Variants in FSTL4 observed in about 807,000 individuals in gnomAD.
FSTL4 encodes follistatin-related protein 4.
Under a neutral mutation model 78.2 loss-of-function variants are expected in FSTL4, and 28 were observed. That is an observed-to-expected ratio of 0.36 (90% CI 0.27 to 0.49). The LOEUF (loss-of-function observed/expected upper bound fraction) is 0.49, where lower values mean the gene tolerates loss of function less well. Among genes scored for constraint, FSTL4 ranks in the 20% least tolerant of loss-of-function variants. FSTL4 has a pLI of 0.98. For synonymous variants in FSTL4, 422 were observed against 440.5 expected (o/e 0.96, Z 0.53); for missense variants, 922 against 1,084.9 (o/e 0.85, Z 2.11).
the FSTL4 span, among the ~76,000 whole-genome samples, chr5:133,619,710 A>G: frequency 6.6e-6 from 1 of 152,236 alleles, no homozygotes; most frequent in Non-Finnish European, 1.5e-5. Flanking sequence ...CAGTGGGCAT[A>G]TAACAACTGA....
chr5:133,638,273 C>A, the FSTL4 span, among the ~76,000 whole-genome samples: 3 of 152,148 alleles, frequency 2.0e-5, no homozygotes, highest in Non-Finnish European at 2.9e-5. Context: ...TCCCTTCTTC[C>A]CCTCCTCACT....
the FSTL4 span, among the ~76,000 whole-genome samples, chr5:133,692,445 A>G: frequency 6.6e-6 from 1 of 152,310 alleles, no homozygotes; most frequent in East Asian, 1.9e-4. Flanking sequence ...AGCATGGCAT[A>G]GTGGCTGTTG....
chr5:133,750,027 T>C, the FSTL4 span, among the ~76,000 whole-genome samples: 1 of 152,266 alleles, frequency 6.6e-6, no homozygotes, highest in South Asian at 2.1e-4. Context: ...AATCCAGATC[T>C]GTAGGAATTC....
chr5:133,526,511 C>T (rs531443212), intron 3 of FSTL4, among the ~76,000 whole-genome samples: 39 of 152,198 alleles, frequency 2.6e-4, no homozygotes, highest in South Asian at 1.5e-3. Context: ...GGATCCCCCA[C>T]GGATGGTCTT....
chr5:133,535,402 C>T lies in FSTL4; in HGVS notation c.160+31784G>A, dbSNP rs543802606. On this transcript the variant is annotated intron_variant, in intron 3 of 15. Coordinates refer to ENST00000265342, the MANE Select transcript of FSTL4 (RefSeq NM_015082.2). ...CAAGGAACACCTGGCCCGCCCAGGG[C>T]GGAAAACCGCTTAAAGGCATTCTTA... 3.9e-5 allele frequency among the ~76,000 whole-genome samples: 6 copies of T among 152,334 alleles called. No homozygotes were observed. In the East Asian group the frequency reaches 5.8e-4, roughly 15 times the overall value.
chr5:133,562,658 C>T (rs923714198), intron 3 of FSTL4, among the ~76,000 whole-genome samples: 1 of 152,158 alleles, frequency 6.6e-6, no homozygotes, highest in South Asian at 2.1e-4. Flanking sequence ...TGTGCGGGAG[C>T]CAGCGCTGGG....
rs974079114 is a variant in FSTL4, at chr5:133,338,975, C to G, written c.410-22323G>C. 1.3e-5 allele frequency among the ~76,000 whole-genome samples: 2 copies of G among 152,178 alleles called. No homozygotes were observed. Among genetic ancestry groups the G allele is most frequent in the East Asian group, 3.9e-4 (2 of 5,184 alleles). On this transcript the variant is annotated intron_variant, in intron 4 of 15. Transcript: ENST00000265342. The surrounding 1 kb of genome is among the most constrained non-coding windows in gnomAD (Gnocchi z 4.0). ...GATCATGTCCCCACCAATCCTCCCC[C>G]ACTCAGTAGCTGGAGGAATCTTATG...
chr5:133,794,188 G>A, the FSTL4 span, among the ~76,000 whole-genome samples: 825 of 152,334 alleles, frequency 5.4e-3, 27 homozygotes, highest in Admixed American at 0.045. Context: ...AGAGGCCAAG[G>A]CAGTGACAAG....
the FSTL4 span, among the ~76,000 whole-genome samples, chr5:133,747,437 C>T: frequency 6.6e-6 from 1 of 152,170 alleles, no homozygotes; most frequent in South Asian, 2.1e-4. Context: ...GATGGCAAAT[C>T]CCATAACCCA....
chr5:133,608,254 T>C (rs780679572), intron 1 of FSTL4, among the ~76,000 whole-genome samples: 1 of 152,218 alleles, frequency 6.6e-6, no homozygotes, highest in African/African-American at 2.4e-5. Context: ...ACTGTCCCCA[T>C]ATAAAGAGCT....
intron 2 of FSTL4, among the ~76,000 whole-genome samples, chr5:133,594,871 T>C (rs1271503593): frequency 6.6e-6 from 1 of 152,242 alleles, no homozygotes; most frequent in African/African-American, 2.4e-5. Flanking sequence ...TTCAGTTCAA[T>C]TGTCCTAAGA....
chr5:133,564,816 T>G (rs79167072), intron 3 of FSTL4, among the ~76,000 whole-genome samples: 11 of 152,292 alleles, frequency 7.2e-5, no homozygotes, highest in Non-Finnish European at 1.2e-4. Flanking sequence ...AGGCACACAA[T>G]GCATTCACTT....
intron 3 of FSTL4, among the ~76,000 whole-genome samples, chr5:133,438,349 G>T (rs1434842556): frequency 6.6e-6 from 1 of 152,210 alleles, no homozygotes; most frequent in Non-Finnish European, 1.5e-5. Context: ...CTTCCAGAAT[G>T]CTAGTAGAGT....
intron 3 of FSTL4, among the ~76,000 whole-genome samples, chr5:133,473,163 G>T (rs1757858995): frequency 6.6e-6 from 1 of 152,004 alleles, no homozygotes; most frequent in Non-Finnish European, 1.5e-5. Context: ...TGTCCAATGT[G>T]TTCTAATCTA....
intron 6 of FSTL4, among the ~76,000 whole-genome samples, chr5:133,289,206 C>A (rs78158660): frequency 3.9e-5 from 6 of 152,168 alleles, no homozygotes; most frequent in African/African-American, 9.7e-5. Context: ...CCAACTGCCC[C>A]GCTATTGATC....
At chr5:133,831,511 T>C in the FSTL4 span, among the ~76,000 whole-genome samples, 1 of 152,212 alleles carries the variant, frequency 6.6e-6, no homozygotes, top group Non-Finnish European at 1.5e-5. Context: ...ACCATTACCA[T>C]TCATATCACC....
At chr5:133,676,975 T>C in the FSTL4 span, among the ~76,000 whole-genome samples, 5 of 152,186 alleles carry the variant, frequency 3.3e-5, no homozygotes, top group Admixed American at 6.5e-5. Context: ...CTTCCCCAAA[T>C]GCCATAAGAA....
the FSTL4 span, among the ~76,000 whole-genome samples, chr5:133,827,862 A>G: frequency 6.6e-6 from 1 of 152,072 alleles, no homozygotes; most frequent in East Asian, 1.9e-4. Context: ...GCAGGCTATA[A>G]GGATCAAGAT....
intron 2 of FSTL4, among the ~76,000 whole-genome samples, chr5:133,598,582 C>G (rs1012790327): frequency 6.6e-6 from 1 of 152,120 alleles, no homozygotes. Flanking sequence ...TATCCACATC[C>G]TCTGACTCAG....
Sources: gnomAD v4.1 joint callset for allele counts (sites outside exome capture counted in the v4.1 genomes callset) on GRCh38, gnomAD v4.1.1 for gene constraint, Gnocchi (gnomAD v3.1) non-coding constraint, MANE v1.5 for transcripts, NCBI Gene and HGNC (gene_info 2026-07-23, HGNC 2026-07-21) for gene names.